The following VPS4B variants were observed in gnomAD, a reference collection of about 807,000 sequenced individuals.
The protein encoded by VPS4B is vacuolar protein sorting 4 homolog B.
VPS4B carries 23 observed loss-of-function variants against 56.1 expected under a neutral mutation model. The ratio of observed to expected loss-of-function variants is 0.41; its 90% CI spans 0.30 to 0.58. The LOEUF is 0.58. VPS4B is among the 20% of genes least tolerant of loss of function. The pLI, the probability that VPS4B is intolerant of heterozygous loss-of-function variation, is 0.29. For missense variants in VPS4B, 372 were observed against 531.9 expected (o/e 0.70, Z 2.96); for synonymous variants, 177 against 186.0 (o/e 0.95, Z 0.39).
chr18:63,390,859 A>ATG lies in VPS4B; in HGVS notation c.*114_*115dup. 3.1e-6 allele frequency: 2 copies of ATG among 651,754 alleles called. No individual in the cohort carries two copies. Among genetic ancestry groups the ATG allele is most frequent in the Non-Finnish European group, 5.3e-6 (2 of 378,478 alleles). The allele number at this position is 651,754 out of a possible 1,614,324, so 40.4% of individuals were successfully genotyped here. On this transcript the variant is annotated 3_prime_UTR_variant, in exon 11 of 11. Coordinates refer to ENST00000238497, the MANE Select transcript of VPS4B (RefSeq NM_004869.4). ...AAACCTAATGGAACTCTGAAGTGAG[A>ATG]TGTGTATTTCCCTGTGGTAAAAGAG...
intron 3 of VPS4B, 33 bp from the exon 4 acceptor site, chr18:63,407,532 C>T: frequency 6.6e-7 from 1 of 1,523,188 alleles, no homozygotes; most frequent in Non-Finnish European, 8.9e-7. Flanking sequence ...TTCAAATGAT[C>T]ACTCATTGCT....
intron 3 of VPS4B, among the ~76,000 whole-genome samples, chr18:63,408,604 G>A (rs913599405): frequency 6.6e-6 from 1 of 152,206 alleles, no homozygotes; most frequent in Non-Finnish European, 1.5e-5. Context: ...TGCTGAGGGA[G>A]CTGCGCAGAG....
At chr18:63,419,908 T>C (rs191742899) in intron 1 of VPS4B, among the ~76,000 whole-genome samples, 1 of 152,352 alleles carries the variant, frequency 6.6e-6, no homozygotes, top group East Asian at 1.9e-4. Context: ...CCTCATTAGA[T>C]TATAAGCATC....
intron 1 of VPS4B, chr18:63,415,415 G>A (rs906713413): frequency 4.7e-5 from 13 of 274,638 alleles, no homozygotes; most frequent in South Asian, 1.8e-4. Context: ...TGCACTCGCC[G>A]TTCCCTCAGG....
chr18:63,408,187 G>T (rs1227067239), intron 3 of VPS4B, among the ~76,000 whole-genome samples: 4 of 152,162 alleles, frequency 2.6e-5, no homozygotes, highest in Admixed American at 1.3e-4. Flanking sequence ...ACATTTAAAC[G>T]TGATGTAGAA....
intron 5 of VPS4B, among the ~76,000 whole-genome samples, chr18:63,402,383 G>C (rs538872057): frequency 5.3e-5 from 8 of 152,300 alleles, no homozygotes; most frequent in African/African-American, 1.9e-4. Context: ...GGCGTTAGAA[G>C]TCGAGAGAGA....
At chr18:63,399,055 TA>T (rs1915751809) in intron 8 of VPS4B, among the ~76,000 whole-genome samples, 186 bp downstream of exon 8, 2 of 152,130 alleles carry the variant, frequency 1.3e-5, no homozygotes, top group African/African-American at 4.8e-5. Context: ...GTATATTTGA[TA>T]AACTAGGGAA....
chr18:63,414,592 G>A (rs1916121170), intron 1 of VPS4B, among the ~76,000 whole-genome samples: 1 of 151,972 alleles, frequency 6.6e-6, no homozygotes, highest in South Asian at 2.1e-4. Context: ...CCACCACCAT[G>A]CCTGGCTAAT....
At chr18:63,415,788 C>A in intron 1 of VPS4B, 1 of 216,000 alleles carries the variant, frequency 4.6e-6, no homozygotes. Flanking sequence ...CCATTCTTGG[C>A]CCTTCCCCGA....
intron 9 of VPS4B, chr18:63,396,781 G>T (rs1231812952): frequency 2.5e-6 from 1 of 402,200 alleles, no homozygotes; most frequent in Non-Finnish European, 4.5e-6. Flanking sequence ...CTGGAGTCAG[G>T]AGTTCGAGAC....
intron 9 of VPS4B, 42 bp from the exon 10 acceptor site, chr18:63,393,591 T>C (rs889065902): frequency 1.3e-6 from 2 of 1,508,104 alleles, no homozygotes; most frequent in Admixed American, 2.2e-5. Flanking sequence ...TGAAACAAAA[T>C]TGAACATTAA....
chr18:63,404,510 G>A (rs1437734160), intron 4 of VPS4B: 2 of 152,308 alleles, frequency 1.3e-5, no homozygotes, highest in East Asian at 3.9e-4. Flanking sequence ...TTAACTTACA[G>A]GGAAGATTTA....
chr18:63,409,542 T>C lies in VPS4B; in HGVS notation c.296+748A>G, dbSNP rs955564642. On this transcript the variant is annotated intron_variant, in intron 3 of 10. Coordinates refer to ENST00000238497, the MANE Select transcript of VPS4B (RefSeq NM_004869.4). ...ACCTGGAACTACTGGCATCAATTAA[T>C]AGGACAGCCAGAGAGGATGTGGTTA... 3.9e-5 allele frequency among the ~76,000 whole-genome samples: 6 copies of C among 152,178 alleles called. No individual in the cohort carries two copies. The East Asian group carries it at 7.7e-4, about 20-fold the overall frequency.
At chr18:63,411,613 C>CA in intron 1 of VPS4B, 35 bp from the exon 2 acceptor site, 1 of 1,421,976 alleles carries the variant, frequency 7.0e-7, no homozygotes. Flanking sequence ...ACATTTAAAT[C>CA]AAAGCATAAA....
intron 1 of VPS4B, among the ~76,000 whole-genome samples, chr18:63,416,969 T>G (rs1481012066): frequency 1.3e-5 from 2 of 152,196 alleles, no homozygotes; most frequent in African/African-American, 2.4e-5. Flanking sequence ...TGTATTTACC[T>G]GTATGCTCAC....
intron 10 of VPS4B, 149 bp from the exon 11 acceptor site, chr18:63,391,225 C>G (rs60460382): frequency 0.16 from 82,415 of 524,744 alleles, 8,566 homozygotes; most frequent in East Asian, 0.32. Flanking sequence ...GATAAACTCC[C>G]TATTCTTTTT....
At chr18:63,400,841 G>T in intron 5 of VPS4B, 138 bp from the exon 6 acceptor site, 1 of 872,842 alleles carries the variant, frequency 1.1e-6, no homozygotes, top group Non-Finnish European at 1.7e-6. Flanking sequence ...ATCAATCTAA[G>T]GTATGTCTTA....
rs1915776504 is a variant in VPS4B at position 63,400,058 on chromosome 18, C to T, written c.780G>A (p.Val260=). ...AARRIKTEFL[V]QMQGVGVDND... is the part of the protein sequence containing the mutation. ...AATTAGTAACACTACCTTGCATTTG[C>T]ACTAGGAACTCCGTCTTAATTCTAC... The change falls in exon 7 of 11, where the codon GTG becomes GTA. Residue 260 remains valine (V), a synonymous_variant. Coordinates refer to ENST00000238497, the MANE Select transcript of VPS4B (RefSeq NM_004869.4). 2 of 1,604,304 alleles carry T rather than the reference C, an allele frequency of 1.2e-6. No homozygotes were observed. Among genetic ancestry groups the T allele is most frequent in the Non-Finnish European group, 1.7e-6 (2 of 1,177,452 alleles).
intron 8 of VPS4B, 133 bp downstream of exon 8, chr18:63,399,109 G>T: frequency 2.9e-6 from 2 of 681,618 alleles, no homozygotes; most frequent in Non-Finnish European, 2.4e-6. Flanking sequence ...CAAGGCAGGG[G>T]AGCAACAGGG....
Sources: allele counts gnomAD v4.1 joint callset (sites outside exome capture counted in the v4.1 genomes callset), GRCh38; gene constraint gnomAD v4.1.1; transcripts MANE v1.5; gene names NCBI Gene and HGNC (gene_info 2026-07-23, HGNC 2026-07-21).